The following SUGCT variants were observed in gnomAD, a reference collection of about 807,000 sequenced individuals.
SUGCT encodes succinyl-CoA:glutarate-CoA transferase.
SUGCT carries 41 observed loss-of-function variants against 55.0 expected under a neutral mutation model. That is an observed-to-expected ratio of 0.74 (90% CI 0.58 to 0.97). The LOEUF is 0.97. SUGCT is among the 50% of genes least tolerant of loss of function. SUGCT has a pLI of 0.00. For missense variants in SUGCT, 568 were observed against 547.8 expected (o/e 1.04, Z -0.37); for synonymous variants, 187 against 200.4 (o/e 0.93, Z 0.56).
At chr7:40,299,072 A>G (rs1794358595) in intron 8 of SUGCT, among the ~76,000 whole-genome samples, 2 of 152,160 alleles carry the variant, frequency 1.3e-5, no homozygotes, top group Non-Finnish European at 2.9e-5. Context: ...TAAGCCTTTT[A>G]TTTTTTAAAC....
the SUGCT span, among the ~76,000 whole-genome samples, chr7:40,925,339 T>C: frequency 1.6e-3 from 245 of 152,304 alleles, no homozygotes; most frequent in Non-Finnish European, 1.7e-3. Flanking sequence ...CTCTTTCAAT[T>C]TGAATTGTTT....
At chr7:40,686,859 A>G (rs906514409) in intron 12 of SUGCT, among the ~76,000 whole-genome samples, 5 of 152,156 alleles carry the variant, frequency 3.3e-5, no homozygotes, top group African/African-American at 1.2e-4. Context: ...CAAAATCTAC[A>G]GCTTCTATGT....
intron 11 of SUGCT, among the ~76,000 whole-genome samples, chr7:40,474,789 A>G (rs1281539198): frequency 1.3e-5 from 2 of 152,182 alleles, no homozygotes; most frequent in East Asian, 1.9e-4. Context: ...GACATTAGTT[A>G]TGTGACTTCT....
the SUGCT span, among the ~76,000 whole-genome samples, chr7:40,883,078 G>T: frequency 6.6e-6 from 1 of 152,214 alleles, no homozygotes; most frequent in African/African-American, 2.4e-5. Context: ...GAAAGCATGA[G>T]ATTAAACCAA....
At chr7:40,600,724 GTT>G (rs71560195) in intron 12 of SUGCT, among the ~76,000 whole-genome samples, 21 of 141,276 alleles carry the variant, frequency 1.5e-4, no homozygotes, top group African/African-American at 3.1e-4. Context: ...AAGGTAGAGA[GTT>G]TTTTTTTTTT....
chr7:40,229,812 CAAA>C (rs771471649), intron 6 of SUGCT, among the ~76,000 whole-genome samples: 3 of 60,768 alleles, frequency 4.9e-5, no homozygotes, highest in African/African-American at 1.1e-4. Context: ...GACTCTGTCT[CAAA>C]AAAAAAAAAA....
chr7:40,407,983 C>T (rs1027512685), intron 9 of SUGCT, among the ~76,000 whole-genome samples: 2 of 151,950 alleles, frequency 1.3e-5, no homozygotes, highest in African/African-American at 4.8e-5. Context: ...ATTTCGATGC[C>T]GCCAAGCTTC....
Position 40,181,012 on chromosome 7 carries a change from T to C in SUGCT, c.152+14T>C. On this transcript the variant is annotated intron_variant, in intron 2 of 13. Transcript: ENST00000335693. ...GGATCTAACAAGGTTTGTATTGGTT[T>C]ATCTACATTTTGGTGATTGGGTTTT... 6.3e-7 allele frequency: 1 copy of C among 1,591,308 alleles called. No homozygotes were observed. The highest frequency in any genetic ancestry group is 1.1e-5 in the South Asian group (1 of 88,912).
intron 6 of SUGCT, among the ~76,000 whole-genome samples, chr7:40,201,664 A>G (rs1225411729): frequency 6.6e-6 from 1 of 152,256 alleles, no homozygotes; most frequent in African/African-American, 2.4e-5. Context: ...GCATATAAAT[A>G]TAGGGTTTCA....
chr7:40,849,721 G>A (rs753304634), intron 13 of SUGCT, among the ~76,000 whole-genome samples: 13 of 151,900 alleles, frequency 8.6e-5, no homozygotes, highest in Non-Finnish European at 1.6e-4. Context: ...CAAAACCACC[G>A]GGACCGTGTT....
At chr7:40,200,379 G>A (rs988535183) in intron 6 of SUGCT, among the ~76,000 whole-genome samples, 4 of 152,096 alleles carry the variant, frequency 2.6e-5, no homozygotes, top group African/African-American at 9.7e-5. Context: ...TACTGTGGTG[G>A]AGATTAACAG....
At chr7:40,417,044 G>A (rs763935317) in intron 9 of SUGCT, among the ~76,000 whole-genome samples, 2 of 151,828 alleles carry the variant, frequency 1.3e-5, no homozygotes, top group Non-Finnish European at 2.9e-5. Context: ...TCATAGAGTT[G>A]CATATAATAT....
chr7:40,173,245 G>A (rs749981442), intron 1 of SUGCT, among the ~76,000 whole-genome samples: 13 of 152,196 alleles, frequency 8.5e-5, no homozygotes, highest in Non-Finnish European at 1.8e-4. Context: ...ACTTAGCTAT[G>A]CAGGAACAAT....
At chr7:40,715,544 C>A (rs1011208563) in intron 12 of SUGCT, among the ~76,000 whole-genome samples, 2 of 152,020 alleles carry the variant, frequency 1.3e-5, no homozygotes, top group Admixed American at 1.3e-4. Flanking sequence ...TTACCTTTGC[C>A]CCCCCTCATG....
chr7:40,630,543 A>G (rs1477096416), intron 12 of SUGCT, among the ~76,000 whole-genome samples: 1 of 152,172 alleles, frequency 6.6e-6, no homozygotes, highest in Non-Finnish European at 1.5e-5. Flanking sequence ...TGCATAATGG[A>G]ATATTGGAAC....
At chr7:40,509,982 C>T (rs1342329956) in intron 12 of SUGCT, among the ~76,000 whole-genome samples, 1 of 151,960 alleles carries the variant, frequency 6.6e-6, no homozygotes, top group African/African-American at 2.4e-5. Flanking sequence ...TGATCATTTG[C>T]TTGAAGAAAA....
At chr7:40,883,779 T>C in the SUGCT span, among the ~76,000 whole-genome samples, 2 of 152,202 alleles carry the variant, frequency 1.3e-5, no homozygotes, top group African/African-American at 4.8e-5. Context: ...TTACTATAAG[T>C]ATAAGCAGTG....
At chr7:40,577,650 G>A (rs1401154774) in intron 12 of SUGCT, among the ~76,000 whole-genome samples, 1 of 152,038 alleles carries the variant, frequency 6.6e-6, no homozygotes, top group African/African-American at 2.4e-5. Flanking sequence ...CACATCACAG[G>A]GGTCAGCCAC....
At chr7:40,878,918 C>T in the SUGCT span, among the ~76,000 whole-genome samples, 4 of 151,862 alleles carry the variant, frequency 2.6e-5, no homozygotes, top group African/African-American at 7.3e-5. Context: ...CTCAGCCTCC[C>T]GAGTAGCTGG....
Sources: allele counts gnomAD v4.1 joint callset (sites outside exome capture counted in the v4.1 genomes callset), GRCh38; gene constraint gnomAD v4.1.1; transcripts MANE v1.5; gene names NCBI Gene and HGNC (gene_info 2026-07-23, HGNC 2026-07-21).